The following CYP4Z1 variants were observed in gnomAD, a reference collection of about 807,000 sequenced individuals.
The protein encoded by CYP4Z1 is cytochrome P450 4Z1.
Under a neutral mutation model 54.2 loss-of-function variants are expected in CYP4Z1, and 41 were observed. That is an observed-to-expected ratio of 0.76 (90% confidence interval 0.59 to 0.98). The LOEUF is 0.98. Among genes scored for constraint, CYP4Z1 ranks in the 50% least tolerant of loss-of-function variants. The pLI, the probability that CYP4Z1 is intolerant of heterozygous loss-of-function variation, is 0.00. For synonymous variants in CYP4Z1, 163 were observed against 206.2 expected (o/e 0.79, Z 1.79); for missense variants, 513 against 599.0 (o/e 0.86, Z 1.50).
At chr1:47,091,784 C>G (rs1451600509) in intron 6 of CYP4Z1, among the ~76,000 whole-genome samples, 1 of 149,396 alleles carries the variant, frequency 6.7e-6, no homozygotes, top group East Asian at 2.1e-4. Context: ...GCTGTTATGA[C>G]GATGGTTTGG....
At chr1:47,058,554 GA>G in the CYP4Z1 span, among the ~76,000 whole-genome samples, 2 of 152,150 alleles carry the variant, frequency 1.3e-5, no homozygotes, top group African/African-American at 2.4e-5. Context: ...TGCCATCCCA[GA>G]GGACCTACGG....
chr1:47,065,562 A>G (rs1644445383), upstream of CYP4Z1, among the ~76,000 whole-genome samples: 1 of 152,168 alleles, frequency 6.6e-6, no homozygotes. Flanking sequence ...ATAGCATCAA[A>G]TGCCTATATC....
intron 7 of CYP4Z1, among the ~76,000 whole-genome samples, chr1:47,095,799 G>A (rs1276362791): frequency 1.3e-5 from 2 of 152,086 alleles, no homozygotes; most frequent in East Asian, 1.9e-4. Flanking sequence ...TGCCATTTCC[G>A]TTGTACCAAA....
chr1:47,115,524 C>A lies in CYP4Z1; in HGVS notation c.1202-5C>A. 6.2e-7 allele frequency: 1 copy of A among 1,611,242 alleles called. No individual in the cohort carries two copies. Among genetic ancestry groups the A allele is most frequent in the South Asian group, 1.1e-5 (1 of 90,772 alleles). On this transcript the variant is annotated splice_polypyrimidine_tract_variant and splice_region_variant and intron_variant, in intron 9 of 11. Transcript: ENST00000334194. ...ACTTACCTGCTTTTTCTTCTGTTTA[C>A]TCAGGAATAACTGTGTTTATCAATA...
rs368708579 is a variant in CYP4Z1, at chr1:47,082,451, G to A, written c.482G>A (p.Arg161Gln). ...ATCACCATGATGTCTGAGAGTGTTC[G>A]GATGATGCTGGTAAGAGGAGAAGAG... Reference protein sequence around the residue: ...IFITMMSESVRMMLNKWEEHI... With the variant: ...IFITMMSESVQMMLNKWEEHI... Residue 161 changes from arginine to glutamine, a missense_variant, in exon 4 of 12, where the codon CGG (arginine) becomes CAG (glutamine). Transcript: ENST00000334194. The A allele has an allele frequency of 4.1e-5, 66 of 1,611,428 alleles. No homozygotes were observed. Among genetic ancestry groups the A allele is most frequent in the African/African-American group, 1.3e-4 (10 of 74,870 alleles).
At chr1:47,105,921 G>T (rs540783085) in intron 8 of CYP4Z1, among the ~76,000 whole-genome samples, 12 of 54,118 alleles carry the variant, frequency 2.2e-4, no homozygotes, top group African/African-American at 3.3e-4. Flanking sequence ...ATATCTGCGG[G>T]GGGGGGAGAA....
chr1:47,100,029 A>G (rs142519628), intron 8 of CYP4Z1, among the ~76,000 whole-genome samples: 6,807 of 151,742 alleles, frequency 0.045, 482 homozygotes, highest in African/African-American at 0.15. Context: ...CTTTAATAAC[A>G]TTCATTCTTT....
Position 47,082,377 on chromosome 1 carries a change from C to A in CYP4Z1, c.408C>A (p.His136Gln). 6.2e-7 allele frequency: 1 copy of A among 1,613,264 alleles called. No individual in the cohort carries two copies. Among genetic ancestry groups the A allele is most frequent in the Non-Finnish European group, 8.5e-7 (1 of 1,179,692 alleles). Residue 136 changes from histidine to glutamine, a missense_variant, in exon 4 of 12, where the codon CAC becomes CAA. By Grantham distance (24) the His-to-Gln change is conservative. Coordinates refer to ENST00000334194, the MANE Select transcript of CYP4Z1 (RefSeq NM_178134.3). ...TGGATGGTTCTAAATGGAAAAAGCA[C>A]CGCCAGATTGTGAAACCTGGCTTCA... ...VTLDGSKWKK[H>Q]RQIVKPGFNI...
chr1:47,116,221 C>T (rs1219394302), intron 10 of CYP4Z1, among the ~76,000 whole-genome samples: 1 of 152,146 alleles, frequency 6.6e-6, no homozygotes. Flanking sequence ...TGTGAATTGC[C>T]ACCCCTTTTT....
rs150302770 is a variant in CYP4Z1 at position 47,093,893 on chromosome 1, A to T, written c.773-673A>T. On this transcript the variant is annotated intron_variant, in intron 6 of 11. Transcript: ENST00000334194. ...TTTCTGTTTCCACTAGTCATTTATC[A>T]GTTCCAGGAGCCTTTTGGCAGAGTC... Among the ~76,000 whole-genome samples the T allele has an allele frequency of 5.0e-3, 757 of 152,340 alleles. 8 individuals are homozygous for T. Among genetic ancestry groups the T allele is most frequent in the African/African-American group, 0.017 (709 of 41,584 alleles).
chr1:47,095,872 TTTAA>T (rs1217226057), intron 7 of CYP4Z1, among the ~76,000 whole-genome samples: 1 of 152,230 alleles, frequency 6.6e-6, no homozygotes, highest in Non-Finnish European at 1.5e-5. Flanking sequence ...ATTTGCTGAA[TTTAA>T]TTGTGCTGAA....
At chr1:47,056,379 A>G in the CYP4Z1 span, among the ~76,000 whole-genome samples, 3 of 152,218 alleles carry the variant, frequency 2.0e-5, no homozygotes, top group African/African-American at 7.2e-5. Context: ...TGTGGTGCTG[A>G]AAAGAATGTA....
chr1:47,092,098 C>G (rs1400655807), intron 6 of CYP4Z1, among the ~76,000 whole-genome samples: 1 of 151,970 alleles, frequency 6.6e-6, no homozygotes, highest in African/African-American at 2.4e-5. Context: ...CCAGTGACCT[C>G]CACCTCTGGG....
At chr1:47,064,893 C>T (rs1644441790), upstream of CYP4Z1, among the ~76,000 whole-genome samples, 1 of 152,170 alleles carries the variant, frequency 6.6e-6, no homozygotes, top group African/African-American at 2.4e-5. Context: ...GCAGGAGTAG[C>T]TGTTCTTATA....
rs180789176 is a variant in CYP4Z1 at position 47,101,868 on chromosome 1, G to A, written c.1067+2584G>A. 5.7e-3 allele frequency among the ~76,000 whole-genome samples: 872 copies of A among 152,088 alleles called. 6 individuals are homozygous for A. Among genetic ancestry groups the A allele is most frequent in the African/African-American group, 0.019 (808 of 41,514 alleles). On this transcript the variant is annotated intron_variant, in intron 8 of 11. Transcript: ENST00000334194. ...ATAAAGCTGAGAGTAGGGGGCTGAC[G>A]TCTCCAACGATTATGGTATGAAAGT...
intron 1 of CYP4Z1, among the ~76,000 whole-genome samples, chr1:47,067,953 G>A (rs540873380): frequency 6.6e-6 from 1 of 152,250 alleles, no homozygotes; most frequent in African/African-American, 2.4e-5. Context: ...CAAGGCCAAG[G>A]TCTTTACTAT....
chr1:47,103,735 C>A (rs1367696896), intron 8 of CYP4Z1, among the ~76,000 whole-genome samples: 2 of 151,814 alleles, frequency 1.3e-5, no homozygotes, highest in Non-Finnish European at 2.9e-5. Flanking sequence ...GCTGGGATTA[C>A]AGGCACATGC....
At chr1:47,069,180 G>A (rs1222864836) in intron 2 of CYP4Z1, among the ~76,000 whole-genome samples, 1 of 152,230 alleles carries the variant, frequency 6.6e-6, no homozygotes, top group Non-Finnish European at 1.5e-5. Flanking sequence ...CTGTCCTCTG[G>A]GAATGGCCAG....
chr1:47,080,074 A>G lies in CYP4Z1; in HGVS notation c.320-549A>G, dbSNP rs185344447. ...TTTTATTTCCCTGTCTTTATCCCACATAAAGATGTTGATGGAATGAATAAA... is the reference window on the plus strand; with the variant it reads ...TTTTATTTCCCTGTCTTTATCCCACGTAAAGATGTTGATGGAATGAATAAA... On this transcript the variant is annotated intron_variant, in intron 2 of 11. Transcript: ENST00000334194. Among the ~76,000 whole-genome samples the G allele has an allele frequency of 2.0e-3, 295 of 149,850 alleles. 1 individual carries two copies. Among genetic ancestry groups the G allele is most frequent in the East Asian group, 0.012 (58 of 4,874 alleles).
Sources: allele counts gnomAD v4.1 joint callset (sites outside exome capture counted in the v4.1 genomes callset), GRCh38; gene constraint gnomAD v4.1.1; transcripts MANE v1.5; gene names NCBI Gene and HGNC (gene_info 2026-07-23, HGNC 2026-07-21).